The following DOCK8 variants were observed in gnomAD, a reference collection of about 807,000 sequenced individuals.
DOCK8 encodes the protein dedicator of cytokinesis 8, also known as dedicator of cytokinesis protein 8.
DOCK8 carries 141 observed loss-of-function variants against 245.6 expected under a neutral mutation model. The observed-to-expected ratio is 0.57, with a 90% CI of 0.50 to 0.66. DOCK8 has a LOEUF of 0.66. Among genes scored for constraint, DOCK8 ranks in the 30% least tolerant of loss-of-function variants. The pLI, the probability that DOCK8 is intolerant of heterozygous loss-of-function variation, is 0.00. For synonymous variants in DOCK8, 1,168 were observed against 970.2 expected, an observed-to-expected ratio of 1.20 and a Z score of -3.79; for missense variants, 2,965 against 2,603.4, an observed-to-expected ratio of 1.14 and a Z score of -3.02.
At chr9:365,070 G>A (rs1056754416) in intron 14 of DOCK8, among the ~76,000 whole-genome samples, 1 of 152,242 alleles carries the variant, frequency 6.6e-6, no homozygotes, top group Non-Finnish European at 1.5e-5. Context: ...GGAGAATGAT[G>A]AAAGATAAGG....
At chr9:214,160 T>C (rs908036766), upstream of DOCK8, 1 of 307,192 alleles carries the variant, frequency 3.3e-6, no homozygotes, top group Non-Finnish European at 6.1e-6. Flanking sequence ...CCGTCAACAC[T>C]GGGACTTTTC....
chr9:234,533 C>G (rs149512248), intron 1 of DOCK8, among the ~76,000 whole-genome samples: 46 of 152,308 alleles, frequency 3.0e-4, no homozygotes, highest in African/African-American at 1.0e-3. Flanking sequence ...TTCAGGTACA[C>G]CAATCAGACG....
chr9:415,102 C>A (rs2055930948), intron 29 of DOCK8, 151 bp downstream of exon 29: 2 of 1,101,352 alleles, frequency 1.8e-6, no homozygotes, highest in Non-Finnish European at 2.7e-6. Context: ...TAACACTGGC[C>A]CCAATCAGTT....
rs763311392 is a variant in DOCK8 at position 338,972 on chromosome 9, G to A, written c.1423-34G>A. On this transcript the variant is annotated intron_variant, in intron 12 of 47. Transcript: ENST00000432829. ...TGTCCCCAACCCAAGAGTCAAAGGT[G>A]CATCTACATTAACTCTGACTTTTCT... is the stretch of plus-strand genomic sequence containing the variant. 6.4e-5 allele frequency: 101 copies of A among 1,574,178 alleles called. No homozygotes were observed. The South Asian group carries it at 1.1e-3, about 17-fold the overall frequency.
intron 2 of DOCK8, among the ~76,000 whole-genome samples, chr9:281,708 C>T (rs2048594803): frequency 6.6e-6 from 1 of 151,844 alleles, no homozygotes; most frequent in Non-Finnish European, 1.5e-5. Context: ...ATTAAGACTC[C>T]TGATAGTTTA....
Position 328,060 on chromosome 9 carries a change from G to T in DOCK8, c.933G>T (p.Gln311His). ...ENFHCDLNSDQFKGFLRAHTP... is the reference protein window; with the variant it reads ...ENFHCDLNSDHFKGFLRAHTP... ...TTCACTGTGACCTGAACTCTGACCA[G>T]TTCAAAGGATTTCTGCGAGCTCACA... The change falls in exon 9 of 48, where the codon CAG becomes CAT. Residue 311 changes from glutamine to histidine, a missense_variant. Gln to His is a conservative substitution (Grantham distance 24). Coordinates refer to ENST00000432829, the MANE Select transcript of DOCK8 (RefSeq NM_203447.4). The T allele has an allele frequency of 1.2e-6, 2 of 1,614,176 alleles. No individual in the cohort carries two copies. The highest frequency in any genetic ancestry group is 1.7e-6 in the Non-Finnish European group (2 of 1,180,014).
chr9:224,806 C>T (rs1256641182), intron 1 of DOCK8, among the ~76,000 whole-genome samples: 1 of 152,186 alleles, frequency 6.6e-6, no homozygotes. Flanking sequence ...TTGCAGTCCA[C>T]TTTCACCTAT....
intron 1 of DOCK8, among the ~76,000 whole-genome samples, chr9:229,224 C>T (rs938194968): frequency 1.3e-5 from 2 of 152,056 alleles, no homozygotes; most frequent in East Asian, 1.9e-4. Context: ...AATACTATCC[C>T]GTTTCAGATT....
intron 20 of DOCK8, among the ~76,000 whole-genome samples, chr9:377,851 A>C (rs1210572049): frequency 6.6e-6 from 1 of 152,240 alleles, no homozygotes; most frequent in Non-Finnish European, 1.5e-5. Flanking sequence ...TACAATGTGT[A>C]CATTTTCCCT....
At chr9:334,614 A>G (rs1047638808) in intron 11 of DOCK8, among the ~76,000 whole-genome samples, 1 of 152,120 alleles carries the variant, frequency 6.6e-6, no homozygotes, top group African/African-American at 2.4e-5. Flanking sequence ...TTATAGTAAG[A>G]TTTTCTAGAT....
intron 33 of DOCK8, among the ~76,000 whole-genome samples, chr9:425,713 TGC>T (rs2056471275): frequency 6.8e-6 from 1 of 146,432 alleles, no homozygotes; most frequent in Admixed American, 7.1e-5. Context: ...GCTATGATAG[TGC>T]CACTGCACTC....
At chr9:273,203 C>A in intron 2 of DOCK8, 2 of 833,410 alleles carry the variant, frequency 2.4e-6, no homozygotes, top group African/African-American at 1.8e-5. Flanking sequence ...TCTTTTACTG[C>A]AGGAGGTAAC....
At chr9:225,598 A>G (rs1012514835) in intron 1 of DOCK8, among the ~76,000 whole-genome samples, 3 of 152,194 alleles carry the variant, frequency 2.0e-5, no homozygotes, top group Non-Finnish European at 2.9e-5. Flanking sequence ...CTTATAGCCT[A>G]CTATGTGCCT....
rs1452089994 is a variant in DOCK8, at chr9:400,872, C to CCGT, written c.3234+1614_3234+1615insGTC. Among the ~76,000 whole-genome samples, 14 of 102,040 alleles carry CCGT rather than the reference C, an allele frequency of 1.4e-4. 2 individuals carry two copies. Among genetic ancestry groups the CCGT allele is most frequent in the Middle Eastern group, 4.4e-3 (1 of 226 alleles). The allele number at this position is 102,040 out of a possible 152,430, so 66.9% of individuals were successfully genotyped here. Reference sequence around the variant, plus strand: ...ACCATCACCACCTCCTCCACCATCACCACCACCTCCACCACCACCACCTCC... The same window carrying CCGT: ...ACCATCACCACCTCCTCCACCATCACCGTCACCACCTCCACCACCACCACCTCC... On this transcript the variant is annotated intron_variant, in intron 26 of 47. Coordinates refer to ENST00000432829, the MANE Select transcript of DOCK8 (RefSeq NM_203447.4).
Position 414,870 on chromosome 9 carries a change from G to A in DOCK8, c.3619G>A (p.Val1207Met), listed in dbSNP as rs1193793593. Reference sequence around the variant, plus strand: ...GGACCCACGCTGTGTCAAACCAGAGGTGAAGGTCAAAATCGCCGCCCTTTA... The same window carrying A: ...GGACCCACGCTGTGTCAAACCAGAGATGAAGGTCAAAATCGCCGCCCTTTA... ...DLDPRCVKPE[V>M]KVKIAALYLP... Residue 1207 changes from valine to methionine, a missense_variant, in exon 29 of 48, where the codon GTG becomes ATG. By Grantham distance (21) the Val-to-Met change is conservative. Around this residue, in one of 3 missense-constraint regions of DOCK8, gnomAD observed 2,825 missense variants for 2,453.5 expected, o/e 1.15. Transcript: ENST00000432829. 2 of 1,614,098 alleles carry A rather than the reference G, an allele frequency of 1.2e-6. No homozygotes were observed. The highest frequency in any genetic ancestry group is 1.7e-5 in the Admixed American group (1 of 60,004).
At chr9:323,667 C>G (rs1447154617) in intron 7 of DOCK8, among the ~76,000 whole-genome samples, 2 of 152,136 alleles carry the variant, frequency 1.3e-5, no homozygotes, top group Non-Finnish European at 2.9e-5. Context: ...ACTCCTTATT[C>G]TCCCTACTCC....
At chr9:428,988 G>A (rs945376696) in intron 35 of DOCK8, among the ~76,000 whole-genome samples, 11 of 149,482 alleles carry the variant, frequency 7.4e-5, no homozygotes, top group African/African-American at 2.6e-4. Context: ...TTATTTTTGA[G>A]ACTGAGTCTC....
intron 2 of DOCK8, among the ~76,000 whole-genome samples, chr9:285,657 G>A (rs1427293298): frequency 6.6e-6 from 1 of 152,110 alleles, no homozygotes; most frequent in East Asian, 1.9e-4. Context: ...GACAAAGGTT[G>A]CCAACTTTTT....
intron 44 of DOCK8, among the ~76,000 whole-genome samples, chr9:446,847 AGT>A (rs1022264659): frequency 6.6e-6 from 1 of 151,794 alleles, no homozygotes; most frequent in African/African-American, 2.4e-5. Flanking sequence ...CTTTAGTATA[AGT>A]GTGTTTATGT....
Sources: allele counts gnomAD v4.1 joint callset (sites outside exome capture counted in the v4.1 genomes callset), GRCh38; gene constraint gnomAD v4.1.1; regional missense constraint gnomAD v4.1.1; transcripts MANE v1.5; gene names NCBI Gene and HGNC (gene_info 2026-07-23, HGNC 2026-07-21).